PARD3B: variants seen among roughly 807,000 people sequenced by gnomAD.
The protein encoded by PARD3B is par-3 family cell polarity regulator beta.
Under a neutral mutation model 130.2 loss-of-function variants are expected in PARD3B, and 103 were observed. The observed-to-expected ratio is 0.79, with a 90% CI of 0.67 to 0.93. The LOEUF (loss-of-function observed/expected upper bound fraction) is 0.93, where lower values mean the gene tolerates loss of function less well. PARD3B is among the 40% of genes least tolerant of loss of function. PARD3B has a pLI of 0.00. For synonymous variants in PARD3B, 583 were observed against 553.2 expected, an observed-to-expected ratio of 1.05 and a Z score of -0.76; for missense variants, 1,609 against 1,499.2, an observed-to-expected ratio of 1.07 and a Z score of -1.21.
chr2:205,537,730 G>T (rs771990477), intron 21 of PARD3B, among the ~76,000 whole-genome samples: 1 of 152,108 alleles, frequency 6.6e-6, no homozygotes, highest in Non-Finnish European at 1.5e-5. Flanking sequence ...TCCTCATCCA[G>T]TCACTAGAAC....
intron 2 of PARD3B, among the ~76,000 whole-genome samples, chr2:204,877,254 G>A (rs1395218628): frequency 6.6e-6 from 1 of 151,984 alleles, no homozygotes; most frequent in Non-Finnish European, 1.5e-5. Context: ...TTGTGGGGTG[G>A]GGGTAGAGGT....
chr2:204,588,505 A>T (rs967312557), intron 1 of PARD3B, among the ~76,000 whole-genome samples: 2 of 152,100 alleles, frequency 1.3e-5, no homozygotes, highest in African/African-American at 4.8e-5. Context: ...AAATATTTCC[A>T]TTGGGCTTTT....
chr2:205,335,859 A>C (rs924131030), intron 18 of PARD3B, among the ~76,000 whole-genome samples: 1 of 152,150 alleles, frequency 6.6e-6, no homozygotes, highest in Non-Finnish European at 1.5e-5. Flanking sequence ...CCGCACAGGT[A>C]AGAACCATCA....
chr2:204,604,039 G>T (rs1489558815), intron 1 of PARD3B, among the ~76,000 whole-genome samples: 3 of 152,110 alleles, frequency 2.0e-5, no homozygotes, highest in Non-Finnish European at 4.4e-5. Context: ...GAAGGGTTTT[G>T]GTCATTTCTG....
chr2:204,839,513 A>G (rs968883858), intron 2 of PARD3B, among the ~76,000 whole-genome samples: 10 of 152,260 alleles, frequency 6.6e-5, no homozygotes, highest in South Asian at 6.2e-4. Flanking sequence ...GACTTCTTCA[A>G]TGTACTCCCT....
At chr2:204,951,490 T>C (rs1338715555) in intron 2 of PARD3B, among the ~76,000 whole-genome samples, 1 of 152,218 alleles carries the variant, frequency 6.6e-6, no homozygotes, top group Non-Finnish European at 1.5e-5. Context: ...ACACCACTTC[T>C]GTAGCCTGTT....
In PARD3B at chr2:205,460,262, T is replaced by A. The variant is rs2048404808; in HGVS notation, c.3044+19590T>A. On this transcript the variant is annotated intron_variant, in intron 20 of 22. Transcript: ENST00000406610. The surrounding 1 kb of genome is among the most constrained non-coding windows in gnomAD (Gnocchi z 4.9). ...GATATGCAGTTCGTAAATTTCCTAC[T>A]GGGTCATTTTTTTTCTGAGAGGGTA... Among the ~76,000 whole-genome samples the A allele has an allele frequency of 6.6e-6, 1 of 152,186 alleles. No individual in the cohort carries two copies. The highest frequency in any genetic ancestry group is 2.4e-5 in the African/African-American group (1 of 41,452).
intron 20 of PARD3B, among the ~76,000 whole-genome samples, chr2:205,468,110 A>G (rs181243682): frequency 5.2e-4 from 79 of 152,314 alleles, no homozygotes; most frequent in Middle Eastern, 3.4e-3. Context: ...GGCAAAAACA[A>G]TGATCTAGCT....
Position 205,402,479 on chromosome 2 carries a change from C to T in PARD3B, c.2741+1356C>T, listed in dbSNP as rs2046285000. 3.3e-5 allele frequency among the ~76,000 whole-genome samples: 5 copies of T among 152,142 alleles called. No homozygotes were observed. In the South Asian group the frequency reaches 1.0e-3, roughly 32 times the overall value. ...CATCTTCAGGAAACTGAGCTGTTTT[C>T]TAGAATGCAGACTTTACATTTTTTT... is the stretch of plus-strand genomic sequence containing the variant. On this transcript the variant is annotated intron_variant, in intron 19 of 22. Coordinates refer to ENST00000406610, the MANE Select transcript of PARD3B (RefSeq NM_001302769.2).
rs2040382449 is a variant in PARD3B at position 205,263,212 on chromosome 2, T to C, written c.2185+17390T>C. Among the ~76,000 whole-genome samples, 1 of 152,094 alleles carries C rather than the reference T, an allele frequency of 6.6e-6. No individual in the cohort carries two copies. Among genetic ancestry groups the C allele is most frequent in the Non-Finnish European group, 1.5e-5 (1 of 67,978 alleles). On this transcript the variant is annotated intron_variant, in intron 16 of 22. Transcript: ENST00000406610. The surrounding 1 kb of genome is among the most constrained non-coding windows in gnomAD (Gnocchi z 4.0). The stretch of plus-strand genomic sequence containing the variant: ...CCTTGTTCTATTAGTTAATGGTTCT[T>C]TCTCTTCTGTCTTCAGATTTTCCCT...
chr2:205,189,506 T>A (rs898493830), intron 14 of PARD3B, among the ~76,000 whole-genome samples: 13 of 152,212 alleles, frequency 8.5e-5, no homozygotes, highest in Non-Finnish European at 1.3e-4. Flanking sequence ...GACATGTCTT[T>A]GGCCTGCTGT....
intron 18 of PARD3B, among the ~76,000 whole-genome samples, chr2:205,377,540 G>T (rs1156994483): frequency 6.6e-6 from 1 of 152,028 alleles, no homozygotes; most frequent in Non-Finnish European, 1.5e-5. Context: ...AAAAGGATGG[G>T]AGGGAGATCC....
At chr2:204,791,599 C>CT (rs891663802) in intron 2 of PARD3B, among the ~76,000 whole-genome samples, 1 of 152,204 alleles carries the variant, frequency 6.6e-6, no homozygotes, top group East Asian at 1.9e-4. Flanking sequence ...AGAAAGGACT[C>CT]TTTTTCAGTG....
intron 4 of PARD3B, among the ~76,000 whole-genome samples, chr2:205,057,097 G>A (rs1471247120): frequency 6.6e-6 from 1 of 151,242 alleles, no homozygotes; most frequent in Non-Finnish European, 1.5e-5. Context: ...TTTATTTAAA[G>A]GTTGTATAAT....
intron 2 of PARD3B, among the ~76,000 whole-genome samples, chr2:204,809,068 G>A (rs1322484604): frequency 1.3e-5 from 2 of 151,920 alleles, no homozygotes; most frequent in Admixed American, 6.6e-5. Context: ...TTGGCCTCAT[G>A]TGTGTTTTCT....
chr2:204,759,277 A>G (rs1034404316), intron 2 of PARD3B, among the ~76,000 whole-genome samples: 1 of 152,128 alleles, frequency 6.6e-6, no homozygotes, highest in Non-Finnish European at 1.5e-5. Flanking sequence ...ATTTATTTCA[A>G]AATGTAGTAT....
rs542401181 is a variant in PARD3B, at chr2:204,808,568, G to A, written c.222+122286G>A. ...CTCATCATTTAGCTCCCAATTATAAGCAAGAACATGCAGTATTTGGTTTTC... is the reference window on the plus strand; with the variant it reads ...CTCATCATTTAGCTCCCAATTATAAACAAGAACATGCAGTATTTGGTTTTC... On this transcript the variant is annotated intron_variant, in intron 2 of 22. Coordinates refer to ENST00000406610, the MANE Select transcript of PARD3B (RefSeq NM_001302769.2). Among the ~76,000 whole-genome samples, 5 of 152,098 alleles carry A rather than the reference G, an allele frequency of 3.3e-5. No homozygotes were observed. In the East Asian group the frequency reaches 9.7e-4, roughly 29 times the overall value.
At chr2:205,529,838 T>G (rs1394455270) in intron 21 of PARD3B, among the ~76,000 whole-genome samples, 1 of 152,212 alleles carries the variant, frequency 6.6e-6, no homozygotes, top group Non-Finnish European at 1.5e-5. Context: ...AGAGAACAGA[T>G]GCATACAGTT....
chr2:205,418,582 A>G (rs2046861812), intron 19 of PARD3B, among the ~76,000 whole-genome samples: 1 of 152,196 alleles, frequency 6.6e-6, no homozygotes, highest in African/African-American at 2.4e-5. Context: ...TTTATCACCC[A>G]GTATTTCCAG....
Sources: allele counts gnomAD v4.1 joint callset (sites outside exome capture counted in the v4.1 genomes callset), GRCh38; gene constraint gnomAD v4.1.1; non-coding constraint Gnocchi (gnomAD v3.1); transcripts MANE v1.5; gene names NCBI Gene and HGNC (gene_info 2026-07-23, HGNC 2026-07-21).